Variants in TRPM3 observed in about 807,000 individuals in gnomAD.
The protein encoded by TRPM3 is transient receptor potential cation channel subfamily M member 3.
Under a neutral mutation model 181.2 loss-of-function variants are expected in TRPM3, and 77 were observed. The observed-to-expected ratio is 0.42, with a 90% CI of 0.35 to 0.51. The LOEUF (loss-of-function observed/expected upper bound fraction) is 0.51. TRPM3 is among the 20% of genes least tolerant of loss of function. TRPM3 has a pLI of 0.01. For synonymous variants in TRPM3, 745 were observed against 796.4 expected, an observed-to-expected ratio of 0.94 and a Z score of 1.09; for missense variants, 1,759 against 2,196.7, an observed-to-expected ratio of 0.80 and a Z score of 3.98.
chr9:71,109,597 G>C (rs1217484679), intron 1 of TRPM3, among the ~76,000 whole-genome samples: 1 of 152,026 alleles, frequency 6.6e-6, no homozygotes, highest in Non-Finnish European at 1.5e-5. Context: ...TTTCTATCTT[G>C]TCAATAATCA....
At chr9:71,068,336 C>G (rs2062215166) in intron 1 of TRPM3, among the ~76,000 whole-genome samples, 1 of 152,134 alleles carries the variant, frequency 6.6e-6, no homozygotes. Context: ...TTTCTCAATT[C>G]CAAAGGAACA....
intron 1 of TRPM3, among the ~76,000 whole-genome samples, chr9:71,266,960 CAA>C (rs368684991): frequency 2.5e-4 from 31 of 125,416 alleles, no homozygotes; most frequent in South Asian, 2.0e-3. Flanking sequence ...CTTCTCTGGC[CAA>C]AAAAAAAAAA....
intron 6 of TRPM3, among the ~76,000 whole-genome samples, chr9:70,814,848 C>T (rs1306627100): frequency 2.6e-5 from 4 of 151,644 alleles, no homozygotes; most frequent in Non-Finnish European, 5.9e-5. Context: ...GTTTTCTTCC[C>T]TTCCCTCTCT....
intron 1 of TRPM3, among the ~76,000 whole-genome samples, chr9:71,381,620 C>A (rs1309745754): frequency 3.3e-5 from 5 of 152,082 alleles, no homozygotes; most frequent in Admixed American, 3.3e-4. Flanking sequence ...ACCTATGTAG[C>A]AGCACACCAC....
At chr9:70,761,526 T>G in intron 8 of TRPM3, 75 bp downstream of exon 8, 54 of 1,603,118 alleles carry the variant, frequency 3.4e-5, no homozygotes, top group Non-Finnish European at 4.1e-5. Flanking sequence ...TTGCATGATT[T>G]GAGAAAATGT....
intron 1 of TRPM3, 96 bp downstream of exon 1, chr9:71,121,082 G>C (rs1358753169): frequency 8.0e-7 from 1 of 1,251,966 alleles, no homozygotes; most frequent in African/African-American, 1.5e-5. Flanking sequence ...ATGCATTTAG[G>C]CTCCCCCAAA....
chr9:70,789,667 C>T (rs2084868550), intron 6 of TRPM3, among the ~76,000 whole-genome samples: 1 of 152,190 alleles, frequency 6.6e-6, no homozygotes, highest in Non-Finnish European at 1.5e-5. Flanking sequence ...AGGCAAGATG[C>T]TTGCCACACT....
intron 22 of TRPM3, among the ~76,000 whole-genome samples, chr9:70,570,146 G>A (rs915406248): frequency 1.3e-5 from 2 of 151,726 alleles, no homozygotes; most frequent in Non-Finnish European, 2.9e-5. Flanking sequence ...TTCTTGCTGG[G>A]CAATCCATCG....
chr9:70,756,994 A>G (rs553863462), intron 8 of TRPM3, among the ~76,000 whole-genome samples: 2 of 152,180 alleles, frequency 1.3e-5, no homozygotes, highest in South Asian at 4.2e-4. Context: ...ATCAGAGCAG[A>G]ACTGAAGGAG....
At position 71,200,336 on chromosome 9, in the gene TRPM3, A is replaced by C. The variant is rs202069315; in HGVS notation, c.183+246317T>G. 2.0e-5 allele frequency among the ~76,000 whole-genome samples: 3 copies of C among 151,016 alleles called. No individual in the cohort carries two copies. In the East Asian group the frequency reaches 5.8e-4, roughly 29 times the overall value. On this transcript the variant is annotated intron_variant, in intron 1 of 24. Coordinates refer to the TRPM3 transcript ENST00000357533. Reference sequence around the variant, plus strand: ...AATAGGTGTGGTGTGGTGCTGAAAAAAATGTATATTCTGTTGATTTGGGGT... The same window carrying C: ...AATAGGTGTGGTGTGGTGCTGAAAACAATGTATATTCTGTTGATTTGGGGT...
At chr9:71,095,293 T>C (rs1488710397) in intron 1 of TRPM3, among the ~76,000 whole-genome samples, 1 of 152,200 alleles carries the variant, frequency 6.6e-6, no homozygotes, top group African/African-American at 2.4e-5. Context: ...TCCGTCGTCA[T>C]GTATAAAAGA....
intron 18 of TRPM3, among the ~76,000 whole-genome samples, chr9:70,614,802 T>A (rs1538672): frequency 0.92 from 139,763 of 152,262 alleles, 65,323 homozygotes; most frequent in East Asian, 1. Flanking sequence ...AAATATTCCA[T>A]AAAGATTCAG....
intron 8 of TRPM3, among the ~76,000 whole-genome samples, chr9:70,754,026 C>G (rs564561732): frequency 6.6e-5 from 10 of 152,182 alleles, no homozygotes; most frequent in African/African-American, 2.2e-4. Flanking sequence ...AGTGGTCCTC[C>G]TACACTCCAG....
At chr9:71,151,987 C>T (rs1161717505) in intron 1 of TRPM3, among the ~76,000 whole-genome samples, 1 of 152,102 alleles carries the variant, frequency 6.6e-6, no homozygotes, top group Non-Finnish European at 1.5e-5. Context: ...ATCTACTTTT[C>T]CTTTTCAGAA....
At chr9:70,558,990 A>G (rs1203269259) in intron 22 of TRPM3, among the ~76,000 whole-genome samples, 1 of 152,242 alleles carries the variant, frequency 6.6e-6, no homozygotes, top group East Asian at 1.9e-4. Flanking sequence ...GAATTCTGCC[A>G]AAGTACATGG....
At chr9:71,401,504 T>C (rs544449594) in intron 1 of TRPM3, among the ~76,000 whole-genome samples, 1 of 152,128 alleles carries the variant, frequency 6.6e-6, no homozygotes, top group Admixed American at 6.5e-5. Flanking sequence ...AAAGAGAAAA[T>C]CGTGTGTTAA....
chr9:71,200,459 A>T (rs10868975), intron 1 of TRPM3, among the ~76,000 whole-genome samples: 104,022 of 148,522 alleles, frequency 0.7, 36,764 homozygotes, highest in African/African-American at 0.77. Context: ...ATCTGTCTAA[A>T]GTTGACAGTG....
At chr9:71,036,739 G>A (rs1321003781) in intron 1 of TRPM3, among the ~76,000 whole-genome samples, 1 of 152,210 alleles carries the variant, frequency 6.6e-6, no homozygotes, top group Admixed American at 6.5e-5. Context: ...CCATCATGAA[G>A]CAATGTGCAA....
chr9:70,543,349 T>A (rs927972059), intron 25 of TRPM3, among the ~76,000 whole-genome samples: 2 of 152,182 alleles, frequency 1.3e-5, no homozygotes, highest in Non-Finnish European at 2.9e-5. Context: ...TTACAAACAA[T>A]CCATTTACAT....
Sources: gnomAD v4.1 joint callset for allele counts (sites outside exome capture counted in the v4.1 genomes callset) on GRCh38, gnomAD v4.1.1 for gene constraint, MANE v1.5 for transcripts, NCBI Gene and HGNC (gene_info 2026-07-23, HGNC 2026-07-21) for gene names.